Variants in CASC3 observed in about 807,000 individuals in gnomAD.
The protein encoded by CASC3 is CASC3 exon junction complex subunit, also known as protein CASC3.
In CASC3, 30 loss-of-function variants were observed where a neutral mutation model predicts 80.5. The observed-to-expected ratio is 0.37, with a 90% CI of 0.28 to 0.51. The LOEUF is 0.51. Among genes scored for constraint, CASC3 ranks in the 20% least tolerant of loss-of-function variants. The probability of loss-of-function intolerance (pLI) is 0.94; values close to 1 mark genes in which losing one functional copy is unlikely to be tolerated. For synonymous variants in CASC3, 312 were observed against 333.6 expected, an observed-to-expected ratio of 0.94 and a Z score of 0.70; for missense variants, 824 against 922.2, an observed-to-expected ratio of 0.89 and a Z score of 1.38.
chr17:40,144,680 T>A (rs528246329), intron 3 of CASC3, among the ~76,000 whole-genome samples: 182 of 138,780 alleles, frequency 1.3e-3, no homozygotes, highest in East Asian at 4.3e-3. Flanking sequence ...TTTTTTTTTT[T>A]AAAAAAGAGG....
intron 1 of CASC3, 22 bp from the exon 2 acceptor site, chr17:40,141,185 C>T (rs1202623740): frequency 1.2e-6 from 2 of 1,612,186 alleles, no homozygotes; most frequent in South Asian, 1.1e-5. Context: ...AGAACTAACC[C>T]ATGTCTTCTG....
intron 7 of CASC3, among the ~76,000 whole-genome samples, 173 bp from the exon 8 acceptor site, chr17:40,166,624 A>G (rs1160956423): frequency 6.6e-6 from 1 of 152,208 alleles, no homozygotes; most frequent in Non-Finnish European, 1.5e-5. Flanking sequence ...AGTGGGGACA[A>G]ATTTCTAAAT....
intron 3 of CASC3, among the ~76,000 whole-genome samples, chr17:40,149,091 G>C (rs1988931435): frequency 6.6e-6 from 1 of 151,882 alleles, no homozygotes; most frequent in Non-Finnish European, 1.5e-5. Flanking sequence ...GGCCAGGCTG[G>C]TCTCGAACTC....
chr17:40,141,121 T>A, intron 1 of CASC3, 86 bp from the exon 2 acceptor site: 1 of 1,252,656 alleles, frequency 8.0e-7, no homozygotes, highest in Non-Finnish European at 1.2e-6. Flanking sequence ...TTGTGCTGAA[T>A]CTTCAGCTTT....
Position 40,171,796 on chromosome 17 carries a change from G to A in CASC3, c.*1391G>A. 8.5e-7 allele frequency: 1 copy of A among 1,172,580 alleles called. No homozygotes were observed. Among genetic ancestry groups the A allele is most frequent in the Non-Finnish European group, 1.1e-6 (1 of 933,616 alleles). The allele number at this position is 1,172,580 out of a possible 1,614,324, so 72.6% of individuals were successfully genotyped here. The stretch of plus-strand genomic sequence containing the variant: ...TGTGTCTCTCCCCGGTAATGTCACT[G>A]TTTTTATTCCTTCCATCTAGCAGCT... On this transcript the variant is annotated 3_prime_UTR_variant, in exon 14 of 14. Transcript: ENST00000264645.
At chr17:40,162,241 C>A in intron 5 of CASC3, 88 bp downstream of exon 5, 1 of 1,318,412 alleles carries the variant, frequency 7.6e-7, no homozygotes, top group Non-Finnish European at 1.0e-6. Context: ...TCATTTATTA[C>A]AGCATTTTAA....
At chr17:40,160,813 C>G (rs1327608231) in intron 3 of CASC3, among the ~76,000 whole-genome samples, 1 of 151,850 alleles carries the variant, frequency 6.6e-6, no homozygotes, top group East Asian at 1.9e-4. Flanking sequence ...TCAAGTGATA[C>G]GCCTGCCTCG....
At chr17:40,146,639 C>T (rs1008925403) in intron 3 of CASC3, among the ~76,000 whole-genome samples, 6 of 151,200 alleles carry the variant, frequency 4.0e-5, no homozygotes, top group South Asian at 2.1e-4. Context: ...GGGGTTTCAT[C>T]ATGTTGGACA....
intron 2 of CASC3, 140 bp from the exon 3 acceptor site, chr17:40,141,430 T>G: frequency 1.2e-6 from 1 of 858,400 alleles, no homozygotes; most frequent in Non-Finnish European, 1.9e-6. Flanking sequence ...CTGTTTCTCC[T>G]TTTGTAAGTG....
Position 40,172,099 on chromosome 17 carries a change from T to C in CASC3, c.*1694T>C. The C allele has an allele frequency of 1.6e-6, 2 of 1,289,982 alleles. No homozygotes were observed. Among genetic ancestry groups the C allele is most frequent in the Non-Finnish European group, 2.0e-6 (2 of 988,860 alleles). 79.9% of individuals were successfully genotyped at this position (1,289,982 alleles called of 1,614,324 possible). A position where few individuals can be genotyped will look rare whatever the true frequency, so the allele number is the denominator to read the frequency against. ...TTCCATGTGTGGTGGTGTTTTTTGT[T>C]ACTGTTTTAAAGGGTGCCCATTTGT... On this transcript the variant is annotated 3_prime_UTR_variant, in exon 14 of 14. Coordinates refer to ENST00000264645, the MANE Select transcript of CASC3 (RefSeq NM_007359.5).
intron 3 of CASC3, among the ~76,000 whole-genome samples, chr17:40,160,934 G>A (rs1399575579): frequency 1.3e-5 from 2 of 152,096 alleles, no homozygotes; most frequent in East Asian, 1.9e-4. Flanking sequence ...ATGTATGTAT[G>A]TGTGTATTTT....
At chr17:40,163,431 A>G in intron 6 of CASC3, 50 bp from the exon 7 acceptor site, 1 of 1,520,254 alleles carries the variant, frequency 6.6e-7, no homozygotes, top group East Asian at 2.3e-5. Context: ...CACCGCGCGT[A>G]GCCTCCTTTT....
At chr17:40,169,233 A>G (rs1436478631) in intron 11 of CASC3, 91 bp from the exon 12 acceptor site, 12 of 1,277,612 alleles carry the variant, frequency 9.4e-6, no homozygotes, top group South Asian at 2.2e-5. Flanking sequence ...AAATTCCCCA[A>G]TTCTCTTATG....
At chr17:40,160,155 C>G (rs1381939754) in intron 3 of CASC3, among the ~76,000 whole-genome samples, 1 of 152,112 alleles carries the variant, frequency 6.6e-6, no homozygotes, top group Non-Finnish European at 1.5e-5. Flanking sequence ...TGGGAGAGTT[C>G]ACAACTTACG....
At position 40,164,152 on chromosome 17, in the gene CASC3, C is replaced by T; in HGVS notation, c.1457C>T (p.Pro486Leu). 6.2e-7 allele frequency: 1 copy of T among 1,605,170 alleles called. No homozygotes were observed. The highest frequency in any genetic ancestry group is 8.5e-7 in the Non-Finnish European group (1 of 1,177,184). ...CCGGGGCAGCCTTCTTTCCTGCAAC[C>T]ACGGGAACTTCGAGGTAGGTATCAT... ...WSPGQPSFLQ[P>L]RELRGMPNHI... The change falls in exon 7 of 14, where the codon CCA (proline) becomes CTA (leucine). Residue 486 changes from proline to leucine, a missense_variant. Pro to Leu is a moderately conservative substitution (Grantham distance 98, BLOSUM62 -3). Transcript: ENST00000264645.
chr17:40,159,203 C>T (rs2145171358), intron 3 of CASC3, among the ~76,000 whole-genome samples: 2 of 152,216 alleles, frequency 1.3e-5, no homozygotes, highest in South Asian at 4.1e-4. Context: ...CACCACTGCA[C>T]TCCAGCCTGG....
At chr17:40,160,161 T>G (rs1311694831) in intron 3 of CASC3, among the ~76,000 whole-genome samples, 1 of 152,174 alleles carries the variant, frequency 6.6e-6, no homozygotes, top group African/African-American at 2.4e-5. Context: ...AGTTCACAAC[T>G]TACGTCAAAG....
At chr17:40,150,543 G>A (rs142439384) in intron 3 of CASC3, among the ~76,000 whole-genome samples, 141 of 152,024 alleles carry the variant, frequency 9.3e-4, no homozygotes, top group African/African-American at 3.3e-3. Context: ...AAGAGAAATG[G>A]GATGTTACTA....
At chr17:40,170,351 A>G in intron 13 of CASC3, 96 bp from the exon 14 acceptor site, 1 of 824,522 alleles carries the variant, frequency 1.2e-6, no homozygotes. Context: ...CTTAAAACAC[A>G]TTATTTAGAA....
Sources: allele counts gnomAD v4.1 joint callset (sites outside exome capture counted in the v4.1 genomes callset), GRCh38; gene constraint gnomAD v4.1.1; transcripts MANE v1.5; gene names NCBI Gene and HGNC (gene_info 2026-07-23, HGNC 2026-07-21).